The following PAPPA2 variants were observed in gnomAD, a reference collection of about 807,000 sequenced individuals.
The protein encoded by PAPPA2 is pappalysin 2.
Under a neutral mutation model 176.4 loss-of-function variants are expected in PAPPA2, and 86 were observed. That is an observed-to-expected ratio of 0.49 (90% CI 0.41 to 0.58). PAPPA2 has a LOEUF of 0.58. Among genes scored for constraint, PAPPA2 ranks in the 20% least tolerant of loss-of-function variants. The pLI, the probability that PAPPA2 is intolerant of heterozygous loss-of-function variation, is 0.00. For missense variants in PAPPA2, 2,073 were observed against 2,256.9 expected (o/e 0.92, Z 1.65); for synonymous variants, 809 against 852.2 (o/e 0.95, Z 0.88).
At chr1:176,673,818 T>TA (rs1243576785) in intron 4 of PAPPA2, among the ~76,000 whole-genome samples, 31 of 152,220 alleles carry the variant, frequency 2.0e-4, no homozygotes, top group Admixed American at 5.9e-4. Flanking sequence ...GTATATAACT[T>TA]AGTCTTTTTC....
At chr1:176,620,451 T>G (rs1202851084) in intron 3 of PAPPA2, among the ~76,000 whole-genome samples, 3 of 152,198 alleles carry the variant, frequency 2.0e-5, no homozygotes, top group Admixed American at 1.3e-4. Context: ...CTTTTTCAAA[T>G]TAATAGTCTA....
chr1:176,829,240 A>G lies in PAPPA2; in HGVS notation c.5203-10933A>G, dbSNP rs554394388. 7.2e-5 allele frequency among the ~76,000 whole-genome samples: 11 copies of G among 152,084 alleles called. No homozygotes were observed. In the South Asian group the frequency reaches 1.5e-3, roughly 20 times the overall value. On this transcript the variant is annotated intron_variant, in intron 21 of 22. Transcript: ENST00000367662. ...TCAATGTACTTGATTGCTGAGAAAG[A>G]GAGGGAAGGATGGAAGGGGGAAGGA...
chr1:176,764,797 C>T (rs574284104), intron 14 of PAPPA2, among the ~76,000 whole-genome samples: 4 of 152,214 alleles, frequency 2.6e-5, no homozygotes, highest in South Asian at 2.1e-4. Context: ...GGGGTTTCAC[C>T]GTGTTAGCCA....
At chr1:176,781,827 T>C (rs1664734052) in intron 17 of PAPPA2, among the ~76,000 whole-genome samples, 2 of 152,210 alleles carry the variant, frequency 1.3e-5, no homozygotes, top group Admixed American at 1.3e-4. Flanking sequence ...CTAATATTGC[T>C]GCTCTAGGTA....
intron 3 of PAPPA2, among the ~76,000 whole-genome samples, chr1:176,655,256 T>G (rs1657967854): frequency 6.6e-6 from 1 of 151,854 alleles, no homozygotes. Flanking sequence ...CTATGCCTAG[T>G]TTGCTCATGG....
chr1:176,598,418 A>G (rs778740896), intron 3 of PAPPA2, among the ~76,000 whole-genome samples: 6 of 152,188 alleles, frequency 3.9e-5, no homozygotes, highest in Non-Finnish European at 8.8e-5. Context: ...GCATCCTTCC[A>G]TATAATTACT....
At chr1:176,791,609 A>G (rs558305025) in intron 19 of PAPPA2, 127 bp downstream of exon 19, 5 of 1,106,788 alleles carry the variant, frequency 4.5e-6, no homozygotes, top group African/African-American at 3.2e-5. Flanking sequence ...GCTGGGGTGC[A>G]GTGGCACAGT....
intron 1 of PAPPA2, among the ~76,000 whole-genome samples, chr1:176,531,406 C>T (rs1649799849): frequency 6.6e-6 from 1 of 152,136 alleles, no homozygotes; most frequent in South Asian, 2.1e-4. Context: ...AATGCTTATA[C>T]CATGACATAA....
chr1:176,521,496 C>A (rs1649213765), intron 1 of PAPPA2, among the ~76,000 whole-genome samples: 1 of 152,152 alleles, frequency 6.6e-6, no homozygotes, highest in Non-Finnish European at 1.5e-5. Context: ...CCTACCTACA[C>A]CACATGAAGC....
intron 1 of PAPPA2, among the ~76,000 whole-genome samples, chr1:176,492,144 A>G (rs1036685836): frequency 1.3e-5 from 2 of 152,188 alleles, no homozygotes; most frequent in African/African-American, 2.4e-5. Flanking sequence ...GGCAGACTCA[A>G]TGGTGCTCAC....
chr1:176,523,349 C>T (rs973783498), intron 1 of PAPPA2, among the ~76,000 whole-genome samples: 4 of 152,128 alleles, frequency 2.6e-5, no homozygotes, highest in African/African-American at 9.7e-5. Flanking sequence ...GCTAAATTTC[C>T]CCTAATTCTT....
intron 21 of PAPPA2, among the ~76,000 whole-genome samples, chr1:176,818,360 A>G (rs141174673): frequency 8.5e-5 from 13 of 152,330 alleles, no homozygotes; most frequent in Admixed American, 7.8e-4. Flanking sequence ...GACAAAGTTT[A>G]TAGAGTAGCA....
chr1:176,532,658 G>A (rs578208481), intron 1 of PAPPA2, among the ~76,000 whole-genome samples: 1 of 152,178 alleles, frequency 6.6e-6, no homozygotes, highest in South Asian at 2.1e-4. Flanking sequence ...GTCCCCACAT[G>A]GTGTGGGTCA....
chr1:176,767,494 CATG>C (rs1282969850), intron 15 of PAPPA2, among the ~76,000 whole-genome samples: 1 of 152,146 alleles, frequency 6.6e-6, no homozygotes, highest in East Asian at 1.9e-4. Flanking sequence ...ACTACAGGTG[CATG>C]CCACCACACC....
At chr1:176,812,388 A>G (rs1666191920) in intron 21 of PAPPA2, among the ~76,000 whole-genome samples, 1 of 152,150 alleles carries the variant, frequency 6.6e-6, no homozygotes. Flanking sequence ...TGAAGTTATA[A>G]GAATGGGCAG....
intron 12 of PAPPA2, among the ~76,000 whole-genome samples, chr1:176,738,299 G>C (rs1484982561): frequency 6.6e-6 from 1 of 152,058 alleles, no homozygotes; most frequent in African/African-American, 2.4e-5. Context: ...GAGTGTGACT[G>C]GTCTTTCCCT....
chr1:176,834,781 C>T (rs973334643), intron 21 of PAPPA2, among the ~76,000 whole-genome samples: 1 of 152,132 alleles, frequency 6.6e-6, no homozygotes, highest in African/African-American at 2.4e-5. Flanking sequence ...ACCAGCCTGA[C>T]CAACATGGTG....
At chr1:176,768,671 G>A (rs1664084288) in intron 15 of PAPPA2, among the ~76,000 whole-genome samples, 1 of 152,042 alleles carries the variant, frequency 6.6e-6, no homozygotes, top group Non-Finnish European at 1.5e-5. Context: ...TTAGTTCCCG[G>A]AGGATATTTT....
chr1:176,558,976 C>T (rs1040905421), intron 2 of PAPPA2, among the ~76,000 whole-genome samples: 38 of 152,310 alleles, frequency 2.5e-4, no homozygotes, highest in African/African-American at 6.7e-4. Flanking sequence ...GACCCCTGTC[C>T]TGTCCCTCCT....
Sources: allele counts gnomAD v4.1 joint callset (sites outside exome capture counted in the v4.1 genomes callset), GRCh38; gene constraint gnomAD v4.1.1; transcripts MANE v1.5; gene names NCBI Gene and HGNC (gene_info 2026-07-23, HGNC 2026-07-21).